The following PLCB1 variants were observed in gnomAD, a reference collection of about 807,000 sequenced individuals.
PLCB1 encodes 1-phosphatidylinositol 4,5-bisphosphate phosphodiesterase beta-1.
In PLCB1, 46 loss-of-function variants were observed where a neutral mutation model predicts 161.8. That is an observed-to-expected ratio of 0.28 (90% confidence interval 0.22 to 0.36). PLCB1 has a LOEUF of 0.36. Among genes scored for constraint, PLCB1 ranks in the 10% least tolerant of loss-of-function variants. PLCB1 has a pLI of 1.00. For missense variants in PLCB1, 1,016 were observed against 1,472.5 expected, an observed-to-expected ratio of 0.69 and a Z score of 5.07; for synonymous variants, 517 against 503.7, an observed-to-expected ratio of 1.03 and a Z score of -0.35.
intron 3 of PLCB1, among the ~76,000 whole-genome samples, chr20:8,569,155 G>A (rs1419575796): frequency 2.0e-5 from 3 of 152,316 alleles, no homozygotes; most frequent in Admixed American, 6.5e-5. Context: ...CAGCAAGAGT[G>A]CCTTTAGGCA....
chr20:8,510,870 T>C (rs1001800164), intron 3 of PLCB1, among the ~76,000 whole-genome samples: 2 of 152,180 alleles, frequency 1.3e-5, no homozygotes, highest in African/African-American at 4.8e-5. Flanking sequence ...TTATTTATAA[T>C]TGGCAAATAA....
At chr20:8,391,198 A>C (rs555555845) in intron 3 of PLCB1, among the ~76,000 whole-genome samples, 174 of 151,366 alleles carry the variant, frequency 1.1e-3, no homozygotes, top group Non-Finnish European at 1.8e-3. Context: ...AGAGATTTAT[A>C]CTTTTGTAGC....
At chr20:8,694,012 A>G (rs1990534449) in intron 10 of PLCB1, among the ~76,000 whole-genome samples, 1 of 152,230 alleles carries the variant, frequency 6.6e-6, no homozygotes, top group Non-Finnish European at 1.5e-5. Flanking sequence ...TGAATGACTC[A>G]TGACCTATCA....
intron 3 of PLCB1, among the ~76,000 whole-genome samples, chr20:8,379,501 G>A (rs1279305727): frequency 5.3e-5 from 8 of 152,060 alleles, no homozygotes; most frequent in Non-Finnish European, 1.5e-5. Flanking sequence ...GGTGTTTCTG[G>A]TTCTAGATCC....
intron 2 of PLCB1, among the ~76,000 whole-genome samples, chr20:8,190,421 T>C (rs2051956093): frequency 6.6e-6 from 1 of 152,144 alleles, no homozygotes; most frequent in African/African-American, 2.4e-5. Flanking sequence ...CCTAGTGTGA[T>C]TTTAAAGTTT....
At chr20:8,785,722 T>A (rs142425949) in intron 27 of PLCB1, among the ~76,000 whole-genome samples, 31 of 152,166 alleles carry the variant, frequency 2.0e-4, no homozygotes, top group African/African-American at 7.0e-4. Flanking sequence ...GGGCAGAAGG[T>A]CTGTGAGTTC....
intron 31 of PLCB1, among the ~76,000 whole-genome samples, chr20:8,837,389 A>G (rs1224519170): frequency 6.6e-6 from 1 of 152,238 alleles, no homozygotes; most frequent in Admixed American, 6.5e-5. Flanking sequence ...GAGGGAATGC[A>G]TATTAAGAAC....
At chr20:8,318,447 G>GC (rs56128549) in intron 2 of PLCB1, among the ~76,000 whole-genome samples, 35,013 of 148,886 alleles carry the variant, frequency 0.24, 4,336 homozygotes, top group South Asian at 0.44. Flanking sequence ...AATAGAAATT[G>GC]CCCCCCCCCT....
intron 2 of PLCB1, among the ~76,000 whole-genome samples, chr20:8,195,859 C>A (rs185376390): frequency 1.3e-5 from 2 of 151,992 alleles, no homozygotes; most frequent in East Asian, 3.9e-4. Flanking sequence ...TTGTATTAGT[C>A]GATTCTCACA....
At position 8,868,057 on chromosome 20, in the gene PLCB1, T is replaced by C. The variant is rs73895378; in HGVS notation, c.3424-13565T>C. Among the ~76,000 whole-genome samples, 820 of 152,352 alleles carry C rather than the reference T, an allele frequency of 5.4e-3. 12 individuals are homozygous for C. Among genetic ancestry groups the C allele is most frequent in the African/African-American group, 0.019 (788 of 41,588 alleles). ...TTATAACCCAAGAGATTTTTTTCTT[T>C]TTCTTTTAAGCTATGATTTTTCCTT... On this transcript the variant is annotated intron_variant, in intron 31 of 31. Transcript: ENST00000338037.
intron 2 of PLCB1, among the ~76,000 whole-genome samples, chr20:8,167,487 G>A (rs895863207): frequency 7.9e-5 from 12 of 152,164 alleles, no homozygotes; most frequent in African/African-American, 2.9e-4. Context: ...TGGTAAATGA[G>A]CCCAGGTTAA....
chr20:8,600,749 G>GA (rs1467070164), intron 3 of PLCB1: 2 of 152,240 alleles, frequency 1.3e-5, no homozygotes, highest in Non-Finnish European at 2.9e-5. Flanking sequence ...AGCAACCAGC[G>GA]AGACTCCGTG....
At chr20:8,201,291 T>G (rs2052088834) in intron 2 of PLCB1, among the ~76,000 whole-genome samples, 1 of 152,172 alleles carries the variant, frequency 6.6e-6, no homozygotes. Flanking sequence ...TAATCACCTC[T>G]GTTTTTCTTA....
At chr20:8,486,286 T>G (rs940836671) in intron 3 of PLCB1, among the ~76,000 whole-genome samples, 7 of 152,018 alleles carry the variant, frequency 4.6e-5, no homozygotes, top group Non-Finnish European at 8.8e-5. Context: ...AAAGGCAAAC[T>G]CTAGTCAATT....
At chr20:8,275,770 G>C (rs569264186) in intron 2 of PLCB1, among the ~76,000 whole-genome samples, 18 of 152,280 alleles carry the variant, frequency 1.2e-4, no homozygotes, top group Non-Finnish European at 2.5e-4. Context: ...TGCAGATGGT[G>C]CATTGTCCCT....
chr20:8,732,298 G>A (rs1231013501), intron 18 of PLCB1: 2 of 152,042 alleles, frequency 1.3e-5, no homozygotes, highest in Non-Finnish European at 2.9e-5. Flanking sequence ...ACATGGCTTA[G>A]TAGTATAAGC....
In PLCB1 at chr20:8,371,396, G is replaced by A; in HGVS notation, c.192G>A (p.Leu64=). 1 of 1,613,348 alleles carries A rather than the reference G, an allele frequency of 6.2e-7. No homozygotes were observed. Among genetic ancestry groups the A allele is most frequent in the Non-Finnish European group, 8.5e-7 (1 of 1,179,578 alleles). The change falls in exon 3 of 32, where the codon CTG becomes CTA. Residue 64 remains leucine (L), a synonymous_variant. Transcript: ENST00000338037. The part of the protein sequence containing the change: ...WTDQNKETEL[L]DLSLVKDARC... ...TTGCCTTCCAGGAGACAGAGCTACT[G>A]GATCTCAGCCTTGTCAAAGATGCCA... is the stretch of plus-strand genomic sequence containing the variant.
intron 31 of PLCB1, among the ~76,000 whole-genome samples, chr20:8,791,644 CTT>C (rs375410403): frequency 7.0e-5 from 10 of 143,466 alleles, no homozygotes; most frequent in African/African-American, 2.5e-4. Context: ...TTTCATTTTG[CTT>C]TTTTTTTTCA....
At chr20:8,665,156 C>G (rs6055980) in intron 9 of PLCB1, among the ~76,000 whole-genome samples, 2 of 152,102 alleles carry the variant, frequency 1.3e-5, no homozygotes, top group African/African-American at 4.8e-5. Context: ...CACACTAAAA[C>G]TAGTTCAGAA....
Sources: gnomAD v4.1 joint callset for allele counts (sites outside exome capture counted in the v4.1 genomes callset) on GRCh38, gnomAD v4.1.1 for gene constraint, MANE v1.5 for transcripts, NCBI Gene and HGNC (gene_info 2026-07-23, HGNC 2026-07-21) for gene names.